Variants in CSMD1 observed in about 807,000 individuals in gnomAD.
The protein encoded by CSMD1 is CUB and Sushi multiple domains 1, also known as CUB and sushi domain-containing protein 1.
A neutral mutation model predicts 417.5 loss-of-function variants in CSMD1; 213 were observed. The ratio of observed to expected loss-of-function variants is 0.51; its 90% CI spans 0.46 to 0.57. CSMD1 has a LOEUF of 0.57. Among genes scored for constraint, CSMD1 ranks in the 20% least tolerant of loss-of-function variants. The pLI is 0.00. For synonymous variants in CSMD1, 2,862 were observed against 1,736.8 expected (o/e 1.65, Z -16.11); for missense variants, 6,923 against 4,529.7 (o/e 1.53, Z -15.17).
intron 10 of CSMD1, among the ~76,000 whole-genome samples, chr8:3,515,111 T>A (rs1371293293): frequency 6.6e-6 from 1 of 152,178 alleles, no homozygotes; most frequent in Non-Finnish European, 1.5e-5. Flanking sequence ...AAAAAATCAG[T>A]CATTAATGTT....
At chr8:3,750,678 C>G (rs1797295168) in intron 6 of CSMD1, among the ~76,000 whole-genome samples, 1 of 152,118 alleles carries the variant, frequency 6.6e-6, no homozygotes, top group Non-Finnish European at 1.5e-5. Context: ...CAGAAGGTTT[C>G]ACATTTGCCC....
intron 5 of CSMD1, among the ~76,000 whole-genome samples, chr8:3,932,951 G>C (rs1268976167): frequency 1.3e-5 from 2 of 148,890 alleles, no homozygotes; most frequent in East Asian, 2.0e-4. Flanking sequence ...AAGTGTATGT[G>C]AATTTTTAAA....
At chr8:4,792,568 T>G (rs1361288309) in intron 1 of CSMD1, among the ~76,000 whole-genome samples, 14 of 152,154 alleles carry the variant, frequency 9.2e-5, no homozygotes, top group Admixed American at 7.2e-4. Flanking sequence ...CACTCAACAG[T>G]TGTCAGCACG....
intron 3 of CSMD1, among the ~76,000 whole-genome samples, chr8:4,129,448 G>C (rs1585378739): frequency 6.6e-6 from 1 of 152,110 alleles, no homozygotes; most frequent in African/African-American, 2.4e-5. Context: ...ACTGAGACAG[G>C]TGCATGGGAG....
In CSMD1 at chr8:4,397,007, G is replaced by A. The variant is rs527274455; in HGVS notation, c.415+22946C>T. 4.0e-5 allele frequency among the ~76,000 whole-genome samples: 6 copies of A among 151,592 alleles called. No homozygotes were observed. The East Asian group carries it at 1.2e-3, about 29-fold the overall frequency. ...CTATTCATGTAACCAAACACCATCTGTTCCCTAAAAATCTAATGAAATTAA... is the reference window on the plus strand; with the variant it reads ...CTATTCATGTAACCAAACACCATCTATTCCCTAAAAATCTAATGAAATTAA... On this transcript the variant is annotated intron_variant, in intron 3 of 69. Transcript: ENST00000635120.
At chr8:4,623,846 A>C (rs1270534453) in intron 2 of CSMD1, among the ~76,000 whole-genome samples, 1 of 152,094 alleles carries the variant, frequency 6.6e-6, no homozygotes, top group Non-Finnish European at 1.5e-5. Context: ...CAAAACTTAG[A>C]ACACAGGATG....
At chr8:3,881,498 G>C (rs573866802) in intron 5 of CSMD1, among the ~76,000 whole-genome samples, 3 of 150,646 alleles carry the variant, frequency 2.0e-5, no homozygotes, top group Non-Finnish European at 3.0e-5. Flanking sequence ...TTAGCTGGGC[G>C]TAGTGGTGGG....
intron 1 of CSMD1, among the ~76,000 whole-genome samples, chr8:4,965,163 A>T (rs1350398576): frequency 6.6e-6 from 1 of 152,234 alleles, no homozygotes; most frequent in African/African-American, 2.4e-5. Context: ...TAGCATACAG[A>T]TATCATGAGT....
intron 50 of CSMD1, among the ~76,000 whole-genome samples, chr8:3,030,967 C>T (rs1810304860): frequency 6.6e-6 from 1 of 151,854 alleles, no homozygotes; most frequent in Non-Finnish European, 1.5e-5. Context: ...AGAAAAATTG[C>T]TAATTTAAAA....
At chr8:3,159,819 T>C (rs1819772011) in intron 38 of CSMD1, among the ~76,000 whole-genome samples, 1 of 152,202 alleles carries the variant, frequency 6.6e-6, no homozygotes, top group Non-Finnish European at 1.5e-5. Flanking sequence ...AATAATCCAT[T>C]ATAAGAAATT....
chr8:4,456,154 T>A (rs1297115565), intron 2 of CSMD1, among the ~76,000 whole-genome samples: 1 of 147,416 alleles, frequency 6.8e-6, no homozygotes, highest in Admixed American at 6.8e-5. Context: ...TAACAGAGAG[T>A]GGTCCCTGTC....
intron 11 of CSMD1, among the ~76,000 whole-genome samples, chr8:3,492,313 G>A (rs576897691): frequency 6.0e-4 from 92 of 152,220 alleles, no homozygotes; most frequent in African/African-American, 2.1e-3. Context: ...CTCCTCAGAA[G>A]CCGCCCATGG....
intron 2 of CSMD1, among the ~76,000 whole-genome samples, chr8:4,450,661 G>C (rs902380252): frequency 1.3e-5 from 2 of 152,130 alleles, no homozygotes; most frequent in Non-Finnish European, 2.9e-5. Context: ...CTTTGATGCA[G>C]TATCCACTGT....
chr8:3,610,640 C>G (rs1801846205), intron 8 of CSMD1, among the ~76,000 whole-genome samples: 1 of 152,130 alleles, frequency 6.6e-6, no homozygotes, highest in African/African-American at 2.4e-5. Flanking sequence ...ACATTCACTT[C>G]AATTCAACTC....
At chr8:3,262,410 C>A (rs1180844743) in intron 26 of CSMD1, among the ~76,000 whole-genome samples, 1 of 150,972 alleles carries the variant, frequency 6.6e-6, no homozygotes, top group Non-Finnish European at 1.5e-5. Context: ...CAGCATCACC[C>A]ATTGCTGGGG....
At chr8:4,682,620 C>T (rs894954091) in intron 1 of CSMD1, among the ~76,000 whole-genome samples, 2 of 151,902 alleles carry the variant, frequency 1.3e-5, no homozygotes, top group Non-Finnish European at 2.9e-5. Context: ...ACATAGGCTT[C>T]TTAAAGGTAT....
rs1303178786 is a variant in CSMD1, at chr8:2,966,656, C to A, written c.9014G>T (p.Cys3005Phe). The A allele has an allele frequency of 1.2e-6, 2 of 1,613,762 alleles. No individual in the cohort carries two copies. Among genetic ancestry groups the A allele is most frequent in the Admixed American group, 1.7e-5 (1 of 60,006 alleles). The part of the protein sequence containing the change: ...ILFSSSVIYA[C>F]WEGYKTSGLM... The stretch of plus-strand genomic sequence containing the variant: ...CCCTGAGGTCTTGTAGCCTTCCCAG[C>A]AGGCATAGATGACCGAGCTGGAGAA... The change falls in exon 58 of 70, where the codon TGC (cysteine) becomes TTC (phenylalanine). Residue 3005 changes from cysteine to phenylalanine, a missense_variant. By Grantham distance (205) the Cys-to-Phe change is radical. Coordinates refer to ENST00000635120, the MANE Select transcript of CSMD1 (RefSeq NM_033225.6).
intron 7 of CSMD1, among the ~76,000 whole-genome samples, chr8:3,655,067 G>A (rs1480459132): frequency 1.3e-5 from 2 of 152,228 alleles, no homozygotes; most frequent in East Asian, 3.9e-4. Context: ...ATAATTTAAA[G>A]AATGTTTTTT....
chr8:4,841,079 C>G (rs1236286455), intron 1 of CSMD1, among the ~76,000 whole-genome samples: 2 of 152,214 alleles, frequency 1.3e-5, no homozygotes, highest in Non-Finnish European at 2.9e-5. Flanking sequence ...TTGAGAAGAG[C>G]ACCTGCTCTA....
Sources: allele counts gnomAD v4.1 joint callset (sites outside exome capture counted in the v4.1 genomes callset), GRCh38; gene constraint gnomAD v4.1.1; transcripts MANE v1.5; gene names NCBI Gene and HGNC (gene_info 2026-07-23, HGNC 2026-07-21).